FYTTD1: variants seen among roughly 807,000 people sequenced by gnomAD.
FYTTD1 encodes forty-two-three domain containing 1.
FYTTD1 carries 22 observed loss-of-function variants against 40.9 expected under a neutral mutation model. That is an observed-to-expected ratio of 0.54 (90% CI 0.38 to 0.77). FYTTD1 has a LOEUF of 0.77. Among genes scored for constraint, FYTTD1 ranks in the 30% least tolerant of loss-of-function variants. The pLI is 0.00. For synonymous variants in FYTTD1, 140 were observed against 137.9 expected (o/e 1.01, Z -0.10); for missense variants, 351 against 392.2 (o/e 0.90, Z 0.89).
rs777670163 is a variant in FYTTD1, at chr3:197,756,380, T to C, written c.104-46T>C. The stretch of plus-strand genomic sequence containing the variant: ...TCAGCTAGAAAACGAAACTGAGTAA[T>C]TGAGTTAAGTTAAAATGAAAATAAT... On this transcript the variant is annotated intron_variant, in intron 1 of 8. Coordinates refer to ENST00000241502, the MANE Select transcript of FYTTD1 (RefSeq NM_032288.7). The C allele has an allele frequency of 3.5e-6, 5 of 1,435,748 alleles. No individual in the cohort carries two copies. In the South Asian group the frequency reaches 4.7e-5, roughly 13 times the overall value. The allele number at this position is 1,435,748 out of a possible 1,614,324, so 88.9% of individuals were successfully genotyped here. A position where few individuals can be genotyped will look rare whatever the true frequency, so the allele number is the denominator to read the frequency against.
At chr3:197,768,266 C>A (rs1045690172) in intron 2 of FYTTD1, among the ~76,000 whole-genome samples, 173 bp from the exon 3 acceptor site, 1 of 152,100 alleles carries the variant, frequency 6.6e-6, no homozygotes, top group Non-Finnish European at 1.5e-5. Flanking sequence ...AGAACCCTTC[C>A]CAATGCAGCA....
upstream of FYTTD1, chr3:197,749,859 G>T (rs914776982): frequency 6.3e-6 from 4 of 632,266 alleles, no homozygotes; most frequent in Non-Finnish European, 9.9e-6. Context: ...ACCGAGGACG[G>T]CGCCGGCGCG....
At chr3:197,756,023 G>A (rs1231276272) in intron 1 of FYTTD1, among the ~76,000 whole-genome samples, 1 of 147,972 alleles carries the variant, frequency 6.8e-6, no homozygotes, top group African/African-American at 2.5e-5. Context: ...ATGGGAAGTA[G>A]GTAGGAAAAT....
At chr3:197,780,256 G>T (rs112456958) in intron 8 of FYTTD1, among the ~76,000 whole-genome samples, 2,212 of 152,240 alleles carry the variant, frequency 0.015, 45 homozygotes, top group African/African-American at 0.043. Flanking sequence ...CAGGGTTTCA[G>T]ATAGGGTTTC....
At chr3:197,778,518 A>C in intron 8 of FYTTD1, 54 bp downstream of exon 8, 1 of 1,296,238 alleles carries the variant, frequency 7.7e-7, no homozygotes, top group Non-Finnish European at 1.1e-6. Context: ...ATTTTAATTA[A>C]CAAAGTATTT....
rs1730093673 is a variant in FYTTD1, at chr3:197,783,892, A to G, written c.*1983A>G. On this transcript the variant is annotated 3_prime_UTR_variant, in exon 9 of 9. Coordinates refer to ENST00000241502, the MANE Select transcript of FYTTD1 (RefSeq NM_032288.7). ...CTGACATTGAGTGCATTAAATAACA[A>G]ATTATCTTTGATACATTAAACTTTT... The G allele has an allele frequency of 6.6e-6, 1 of 152,634 alleles. No homozygotes were observed. The highest frequency in any genetic ancestry group is 1.5e-5 in the Non-Finnish European group (1 of 68,032). 9.5% of individuals were successfully genotyped at this position (152,634 alleles called of 1,614,324 possible).
In FYTTD1 at chr3:197,776,231, A is replaced by C. The variant is rs545061748; in HGVS notation, c.657-696A>C. Reference sequence around the variant, plus strand: ...TTTTTTTTTTTTTTTTTTGAGATGGAGTCTCGCTCTGTTGCCCAGGCTGGA... The same window carrying C: ...TTTTTTTTTTTTTTTTTTGAGATGGCGTCTCGCTCTGTTGCCCAGGCTGGA... On this transcript the variant is annotated intron_variant, in intron 6 of 8. Coordinates refer to ENST00000241502, the MANE Select transcript of FYTTD1 (RefSeq NM_032288.7). 1.0e-3 allele frequency among the ~76,000 whole-genome samples: 140 copies of C among 140,038 alleles called. 1 individual carries two copies. The highest frequency in any genetic ancestry group is 3.7e-3 in the African/African-American group (136 of 37,106). 91.9% of individuals were successfully genotyped at this position (140,038 alleles called of 152,430 possible). A position where few individuals can be genotyped will look rare whatever the true frequency, so the allele number is the denominator to read the frequency against.
chr3:197,781,757 G>A (rs759385229), intron 8 of FYTTD1, 54 bp from the exon 9 acceptor site: 4 of 1,283,508 alleles, frequency 3.1e-6, no homozygotes, highest in African/African-American at 1.5e-5. Context: ...ATGGCCTTCA[G>A]TAAAGTTGTT....
chr3:197,765,641 C>G (rs369974348), intron 2 of FYTTD1, among the ~76,000 whole-genome samples: 6 of 152,030 alleles, frequency 3.9e-5, no homozygotes, highest in African/African-American at 1.5e-4. Context: ...GCAGGCAGAT[C>G]ACCTGAGGTC....
chr3:197,750,268 GGGACCCGGGCGTCCCC>G, intron 1 of FYTTD1, 194 bp downstream of exon 1: 16 of 938,404 alleles, frequency 1.7e-5, no homozygotes, highest in Non-Finnish European at 2.2e-5. Flanking sequence ...TGGACCGCGA[GGGACCCGGGCGTCCCC>G]TCGGCCGCGG....
rs1729934357 is a variant in FYTTD1 at position 197,778,380 on chromosome 3, T to G, written c.774T>G (p.Phe258Leu). ...TAACTCGTACTGCTGTACCTTCATT[T>G]TTAACAAAGCGGGAGCAAAGTGACG... ...PRLTRTAVPS[F>L]LTKREQSDVK... is the part of the protein sequence containing the mutation. The change falls in exon 8 of 9, where the codon TTT becomes TTG. Residue 258 changes from phenylalanine (F) to leucine (L), a missense_variant. By Grantham distance (22) the Phe-to-Leu change is conservative (BLOSUM62 0). Transcript: ENST00000241502. 1 of 1,612,584 alleles carries G rather than the reference T, an allele frequency of 6.2e-7. No individual in the cohort carries two copies.
chr3:197,781,765 G>T (rs762119196), intron 8 of FYTTD1, 46 bp from the exon 9 acceptor site: 2 of 1,378,062 alleles, frequency 1.5e-6, no homozygotes, highest in Non-Finnish European at 2.0e-6. Context: ...CAGTAAAGTT[G>T]TTAATTGTTG....
chr3:197,764,823 G>A (rs980261944), intron 2 of FYTTD1, among the ~76,000 whole-genome samples: 5 of 150,756 alleles, frequency 3.3e-5, no homozygotes, highest in Non-Finnish European at 4.4e-5. Context: ...AATAGAAAGC[G>A]CCAAGGGATG....
In FYTTD1 at chr3:197,781,944, T is replaced by G. The variant is rs781111401; in HGVS notation, c.*35T>G. 2 of 1,343,536 alleles carry G rather than the reference T, an allele frequency of 1.5e-6. No individual in the cohort carries two copies. The highest frequency in any genetic ancestry group is 1.4e-5 in the South Asian group (1 of 69,882). The allele number at this position is 1,343,536 out of a possible 1,614,324, so 83.2% of individuals were successfully genotyped here. A position where few individuals can be genotyped will look rare whatever the true frequency, so the allele number is the denominator to read the frequency against. On this transcript the variant is annotated 3_prime_UTR_variant, in exon 9 of 9. Transcript: ENST00000241502. The stretch of plus-strand genomic sequence containing the variant: ...CAAAGGAACTTTTGAGTGATGACTC[T>G]GAGAAGTTGAATTGCTTGAAGAGTT...
chr3:197,761,666 C>T (rs1560494653), intron 2 of FYTTD1, among the ~76,000 whole-genome samples: 2 of 152,142 alleles, frequency 1.3e-5, no homozygotes, highest in Non-Finnish European at 2.9e-5. Context: ...TCGTCAGGTA[C>T]CCTTGGGGAT....
intron 4 of FYTTD1, among the ~76,000 whole-genome samples, chr3:197,771,698 AC>A (rs1380000614): frequency 7.2e-6 from 1 of 138,776 alleles, no homozygotes; most frequent in East Asian, 2.2e-4. Context: ...AATGGCGTGA[AC>A]CCGGGAGGCG....
chr3:197,768,525 A>G lies in FYTTD1; in HGVS notation c.322A>G (p.Arg108Gly). 6.2e-7 allele frequency: 1 copy of G among 1,613,826 alleles called. No individual in the cohort carries two copies. Among genetic ancestry groups the G allele is most frequent in the Non-Finnish European group, 8.5e-7 (1 of 1,179,742 alleles). Residue 108 changes from arginine (R) to glycine (G), a missense_variant, in exon 3 of 9, where the codon AGG becomes GGG. Coordinates refer to ENST00000241502, the MANE Select transcript of FYTTD1 (RefSeq NM_032288.7). ...PNGVITGLAA[R>G]KTTGIRKGIS... ...TGGAGTTATCACTGGCCTTGCAGCT[A>G]GGAAAACGACTGGAATTCGAAAAGG...
Position 197,787,310 on chromosome 3 carries a change from G to A in FYTTD1, c.*5401G>A, listed in dbSNP as rs963651521. On this transcript the variant is annotated 3_prime_UTR_variant, in exon 9 of 9. Transcript: ENST00000241502. The stretch of plus-strand genomic sequence containing the variant: ...ACTAAGACGAGGTTTCACCATATTG[G>A]CCAGTCTAGTCTCAAACTCCTGACC... The A allele has an allele frequency of 3.3e-5, 5 of 151,768 alleles. No individual in the cohort carries two copies. Among genetic ancestry groups the A allele is most frequent in the Non-Finnish European group, 5.9e-5 (4 of 67,966 alleles). 9.4% of individuals were successfully genotyped at this position (151,768 alleles called of 1,614,324 possible). A position where few individuals can be genotyped will look rare whatever the true frequency, so the allele number is the denominator to read the frequency against.
intron 2 of FYTTD1, among the ~76,000 whole-genome samples, chr3:197,761,904 G>A (rs1384251756): frequency 6.6e-6 from 1 of 152,204 alleles, no homozygotes; most frequent in Admixed American, 6.5e-5. Context: ...AGTTTATTTT[G>A]CACAGTTTTG....
Sources: allele counts gnomAD v4.1 joint callset (sites outside exome capture counted in the v4.1 genomes callset), GRCh38; gene constraint gnomAD v4.1.1; transcripts MANE v1.5; gene names NCBI Gene and HGNC (gene_info 2026-07-23, HGNC 2026-07-21).